Variants in SETD7 observed in about 807,000 individuals in gnomAD.
SETD7 encodes the protein histone-lysine N-methyltransferase SETD7.
In SETD7, 16 loss-of-function variants were observed where a neutral mutation model predicts 41.8. The observed-to-expected ratio is 0.38, with a 90% confidence interval of 0.26 to 0.58. The LOEUF (loss-of-function observed/expected upper bound fraction) is 0.58, where lower values mean the gene tolerates loss of function less well. SETD7 is among the 20% of genes least tolerant of loss of function. SETD7 has a pLI of 0.64. For synonymous variants in SETD7, 163 were observed against 169.7 expected, an observed-to-expected ratio of 0.96 and a Z score of 0.31; for missense variants, 346 against 459.7, an observed-to-expected ratio of 0.75 and a Z score of 2.26.
chr4:139,531,440 C>T (rs1297644600), intron 3 of SETD7, among the ~76,000 whole-genome samples: 6 of 152,116 alleles, frequency 3.9e-5, no homozygotes, highest in African/African-American at 7.2e-5. Flanking sequence ...ACATCAGCAG[C>T]GCCCCAGCAC....
Position 139,518,190 on chromosome 4 carries a change from G to A in SETD7, c.763-148C>T, listed in dbSNP as rs114929914. 3,362 of 816,720 alleles carry A rather than the reference G, an allele frequency of 4.1e-3. 75 individuals carry two copies. In the African/African-American group the frequency reaches 0.047, roughly 12 times the overall value. 50.6% of individuals were successfully genotyped at this position (816,720 alleles called of 1,614,324 possible). A position where few individuals can be genotyped will look rare whatever the true frequency, so the allele number is the denominator to read the frequency against. On this transcript the variant is annotated intron_variant, in intron 6 of 7. Transcript: ENST00000274031. ...TCACCTAGGCTGGAGCGCAAGTAGC[G>A]TGATCTTGGCTCACCACAACCTCTG...
At chr4:139,502,514 G>A (rs908234221), downstream of SETD7, among the ~76,000 whole-genome samples, 1 of 152,224 alleles carries the variant, frequency 6.6e-6, no homozygotes, top group Admixed American at 6.5e-5. Context: ...CTGCAAGGGG[G>A]TGGGTGTGGG....
chr4:139,552,088 G>A (rs1405518401), intron 1 of SETD7, among the ~76,000 whole-genome samples: 1 of 151,874 alleles, frequency 6.6e-6, no homozygotes, highest in Non-Finnish European at 1.5e-5. Context: ...TTTTTTTTAA[G>A]GGTAATTGTT....
chr4:139,521,616 C>A (rs1727182731), intron 5 of SETD7, among the ~76,000 whole-genome samples: 1 of 152,164 alleles, frequency 6.6e-6, no homozygotes, highest in Non-Finnish European at 1.5e-5. Context: ...TTATATACAT[C>A]CTGCCACTTT....
chr4:139,502,852 G>A (rs77531041), downstream of SETD7, among the ~76,000 whole-genome samples: 2,505 of 152,178 alleles, frequency 0.016, 74 homozygotes, highest in African/African-American at 0.055. Context: ...GTGGAAGTTC[G>A]GGATCAGGAT....
At chr4:139,512,220 C>A (rs905047393) in intron 7 of SETD7, among the ~76,000 whole-genome samples, 2 of 152,198 alleles carry the variant, frequency 1.3e-5, no homozygotes, top group Non-Finnish European at 2.9e-5. Context: ...GTGCAGCCCG[C>A]CAGCATTTGA....
chr4:139,521,404 C>T (rs180801751), intron 5 of SETD7, among the ~76,000 whole-genome samples: 18 of 146,300 alleles, frequency 1.2e-4, no homozygotes, highest in Admixed American at 8.4e-4. Flanking sequence ...CCAGTCTGGA[C>T]GACAAGAGCA....
chr4:139,508,110 T>C lies in SETD7; in HGVS notation c.*3553A>G. 1 of 152,192 alleles carries C rather than the reference T, an allele frequency of 6.6e-6. No homozygotes were observed. Among genetic ancestry groups the C allele is most frequent in the East Asian group, 1.9e-4 (1 of 5,200 alleles). The allele number at this position is 152,192 out of a possible 1,614,324, so 9.4% of individuals were successfully genotyped here. The stretch of plus-strand genomic sequence containing the variant: ...TCTCCTGGAGAAGACAACCCTTTAA[T>C]TCACTGTTCACAATTAATGCAATTT... On this transcript the variant is annotated 3_prime_UTR_variant, in exon 8 of 8. Transcript: ENST00000274031.
intron 2 of SETD7, among the ~76,000 whole-genome samples, chr4:139,536,971 C>A (rs1727657062): frequency 6.6e-6 from 1 of 151,962 alleles, no homozygotes; most frequent in Non-Finnish European, 1.5e-5. Flanking sequence ...CCACTGCAAT[C>A]TTTTTTATTT....
intron 6 of SETD7, among the ~76,000 whole-genome samples, chr4:139,518,532 C>A (rs1579205738): frequency 6.6e-6 from 1 of 152,126 alleles, no homozygotes; most frequent in East Asian, 1.9e-4. Flanking sequence ...CAGTGCCAGG[C>A]AGCTCGACTT....
rs1441336985 is a variant in SETD7, at chr4:139,556,163, G to A, written c.-26C>T. 6.3e-7 allele frequency: 1 copy of A among 1,586,438 alleles called. No homozygotes were observed. Among genetic ancestry groups the A allele is most frequent in the Non-Finnish European group, 8.6e-7 (1 of 1,167,302 alleles). ...GGCGGCTGGGGACACTGCCCAGCTC[G>A]GGGCTGCGCGGCTGCCTCCCGTCCC... On this transcript the variant is annotated 5_prime_UTR_variant, in exon 1 of 8. Transcript: ENST00000274031.
chr4:139,545,238 T>C (rs1285017717), intron 2 of SETD7, among the ~76,000 whole-genome samples: 1 of 152,014 alleles, frequency 6.6e-6, no homozygotes, highest in Non-Finnish European at 1.5e-5. Context: ...GCTGGAGTGC[T>C]CAAGCAATCT....
rs761250941 is a variant in SETD7, at chr4:139,547,009, T to C, written c.81A>G (p.Thr27=). The part of the protein sequence containing the change: ...DDDGLPHGFC[T]VTYSSTDRFE... ...ATCTGTCTGTGGAGGAGTAGGTGACTGTGCAGAACCCGTGCGGTAATCCGT... is the reference window on the plus strand; with the variant it reads ...ATCTGTCTGTGGAGGAGTAGGTGACCGTGCAGAACCCGTGCGGTAATCCGT... Residue 27 remains threonine, a synonymous_variant, in exon 2 of 8, where the codon ACA becomes ACG. Transcript: ENST00000274031. 1 of 1,614,212 alleles carries C rather than the reference T, an allele frequency of 6.2e-7. No individual in the cohort carries two copies. Among genetic ancestry groups the C allele is most frequent in the Admixed American group, 1.7e-5 (1 of 60,020 alleles).
intron 3 of SETD7, 90 bp from the exon 4 acceptor site, chr4:139,529,310 T>C: frequency 1.2e-5 from 12 of 967,446 alleles, no homozygotes; most frequent in Middle Eastern, 3.4e-4. Flanking sequence ...AGTCCCATTA[T>C]TAATATAGCA....
At chr4:139,538,266 T>C (rs1300419696) in intron 2 of SETD7, among the ~76,000 whole-genome samples, 1 of 152,164 alleles carries the variant, frequency 6.6e-6, no homozygotes, top group Non-Finnish European at 1.5e-5. Context: ...ATTCAAGCAA[T>C]ACTAAGATGC....
chr4:139,497,134 T>A (rs1384407487), intron 7 of SETD7, among the ~76,000 whole-genome samples: 1 of 152,346 alleles, frequency 6.6e-6, no homozygotes, highest in Admixed American at 6.5e-5. Context: ...CCAGAAGTGC[T>A]ATTAGCCCTC....
downstream of SETD7, among the ~76,000 whole-genome samples, chr4:139,494,428 G>A (rs1001496826): frequency 6.6e-5 from 10 of 152,136 alleles, no homozygotes; most frequent in South Asian, 1.0e-3. Flanking sequence ...CTAAACAGGC[G>A]CTGGGAGGAT....
rs1726757642 is a variant in SETD7, at chr4:139,508,027, A to G, written c.*3636T>C. 6.6e-6 allele frequency: 1 copy of G among 152,244 alleles called. No individual in the cohort carries two copies. Among genetic ancestry groups the G allele is most frequent in the Admixed American group, 6.5e-5 (1 of 15,270 alleles). 9.4% of individuals were successfully genotyped at this position (152,244 alleles called of 1,614,324 possible). On this transcript the variant is annotated 3_prime_UTR_variant, in exon 8 of 8. Transcript: ENST00000274031. ...TTGGAAGATTTTAAATGCATGTTGC[A>G]GTGAGTGATTTAAATTTTTATATAT... is the stretch of plus-strand genomic sequence containing the variant.
chr4:139,519,010 T>C (rs925651322), intron 6 of SETD7, among the ~76,000 whole-genome samples: 1 of 152,218 alleles, frequency 6.6e-6, no homozygotes, highest in Non-Finnish European at 1.5e-5. Flanking sequence ...TATTCATATG[T>C]GATAGTCCCT....
Sources: allele counts gnomAD v4.1 joint callset (sites outside exome capture counted in the v4.1 genomes callset), GRCh38; gene constraint gnomAD v4.1.1; transcripts MANE v1.5; gene names NCBI Gene and HGNC (gene_info 2026-07-23, HGNC 2026-07-21).